Variants in NAV1 observed in about 807,000 individuals in gnomAD.
NAV1 encodes the protein neuron navigator 1.
In NAV1, 18 loss-of-function variants were observed where a neutral mutation model predicts 175.2. The ratio of observed to expected loss-of-function variants is 0.10; its 90% CI spans 0.07 to 0.15. NAV1 has a LOEUF of 0.15. NAV1 is among the 10% of genes least tolerant of loss of function. NAV1 has a pLI of 1.00. For missense variants in NAV1, 1,731 were observed against 2,436.6 expected (o/e 0.71, Z 6.10); for synonymous variants, 897 against 978.7 (o/e 0.92, Z 1.56).
At chr1:201,794,160 TC>T (rs1426949723) in intron 14 of NAV1, 1 of 658,642 alleles carries the variant, frequency 1.5e-6, no homozygotes, top group South Asian at 1.5e-5. Flanking sequence ...GACGCTGTTT[TC>T]TTTTTTTGAG....
chr1:201,800,184 A>G (rs1677760767), intron 15 of NAV1, among the ~76,000 whole-genome samples: 1 of 152,022 alleles, frequency 6.6e-6, no homozygotes, highest in Non-Finnish European at 1.5e-5. Flanking sequence ...TATTTTTAGT[A>G]GAGATGGGGT....
At chr1:201,760,255 C>T (rs1298270823) in intron 3 of NAV1, among the ~76,000 whole-genome samples, 1 of 152,174 alleles carries the variant, frequency 6.6e-6, no homozygotes, top group Non-Finnish European at 1.5e-5. Flanking sequence ...CGCTTAAGGC[C>T]AAGGGGTTCG....
intron 2 of NAV1, among the ~76,000 whole-genome samples, chr1:201,713,532 C>A (rs12404359): frequency 0.14 from 21,507 of 152,192 alleles, 1,493 homozygotes; most frequent in Middle Eastern, 0.24. Context: ...AGCCTTCCCA[C>A]GGCACCTCTC....
Position 201,670,587 on chromosome 1 carries a change from T to TA in NAV1, c.757+21163dup, listed in dbSNP as rs1446128686. 6.7e-5 allele frequency among the ~76,000 whole-genome samples: 10 copies of TA among 148,508 alleles called. No homozygotes were observed. In the East Asian group the frequency reaches 1.9e-3, roughly 29 times the overall value. On this transcript the variant is annotated intron_variant, in intron 1 of 29. Coordinates refer to ENST00000367296, the Ensembl canonical transcript of NAV1. Reference sequence around the variant, plus strand: ...AGAGATGATGGTGATGGTTTGATGATAGAGATGATGGTGATTTTTTGTTGA... The same window carrying TA: ...AGAGATGATGGTGATGGTTTGATGATAAGAGATGATGGTGATTTTTTGTTGA...
At chr1:201,600,106 G>A (rs570852751) in intron 2 of NAV1, among the ~76,000 whole-genome samples, 200 of 152,254 alleles carry the variant, frequency 1.3e-3, no homozygotes, top group African/African-American at 4.6e-3. Context: ...CTCCTGGGAC[G>A]TAGGCCCCAG....
chr1:201,558,652 A>T (rs978691500), intron 1 of NAV1, among the ~76,000 whole-genome samples: 2 of 152,084 alleles, frequency 1.3e-5, no homozygotes, highest in South Asian at 2.1e-4. Context: ...GGGTCTCACC[A>T]CGTTGGTCAG....
At chr1:201,732,752 A>T (rs1672917625) in intron 3 of NAV1, among the ~76,000 whole-genome samples, 1 of 152,216 alleles carries the variant, frequency 6.6e-6, no homozygotes, top group African/African-American at 2.4e-5. Flanking sequence ...AGGAGGAAAA[A>T]TAGGCATTGC....
chr1:201,657,849 T>C (rs1571867476), intron 1 of NAV1, among the ~76,000 whole-genome samples: 2 of 152,084 alleles, frequency 1.3e-5, no homozygotes, highest in East Asian at 1.9e-4. Flanking sequence ...TTGGGCATCA[T>C]TGCAAAACCC....
chr1:201,793,996 C>A, intron 14 of NAV1, 121 bp downstream of exon 18: 1 of 808,122 alleles, frequency 1.2e-6, no homozygotes, highest in Non-Finnish European at 2.1e-6. Flanking sequence ...ACCTCACTGT[C>A]ACCCTGGATT....
chr1:201,545,103 G>A (rs537179427), intron 1 of NAV1, among the ~76,000 whole-genome samples: 36 of 152,290 alleles, frequency 2.4e-4, no homozygotes, highest in African/African-American at 6.7e-4. Flanking sequence ...TCTTCCCCAG[G>A]AAAAGTGGAA....
At chr1:201,548,583 A>C (rs1470353677) in intron 1 of NAV1, among the ~76,000 whole-genome samples, 1 of 152,234 alleles carries the variant, frequency 6.6e-6, no homozygotes, top group Non-Finnish European at 1.5e-5. Flanking sequence ...AAATAAATAA[A>C]TAAGTGAATA....
intron 2 of NAV1, among the ~76,000 whole-genome samples, chr1:201,599,172 T>G (rs1667449273): frequency 6.6e-6 from 1 of 152,202 alleles, no homozygotes. Context: ...AGGAGAACCC[T>G]CTGGGACAAT....
intron 11 of NAV1, 134 bp from the exon 16 acceptor site, chr1:201,790,420 A>T: frequency 1.1e-6 from 1 of 951,738 alleles, no homozygotes; most frequent in Admixed American, 2.0e-5. Flanking sequence ...AGGAAACAAG[A>T]GTTTCAGCCT....
At chr1:201,696,130 G>A (rs1671179830) in intron 1 of NAV1, among the ~76,000 whole-genome samples, 2 of 152,146 alleles carry the variant, frequency 1.3e-5, no homozygotes, top group African/African-American at 4.8e-5. Flanking sequence ...CAGACTCAGG[G>A]AGTGGGAGTG....
chr1:201,638,332 A>G (rs137911455), intron 2 of NAV1, among the ~76,000 whole-genome samples: 49 of 152,302 alleles, frequency 3.2e-4, no homozygotes, highest in African/African-American at 1.1e-3. Context: ...ACAGACCACC[A>G]GCTCTGTCTG....
At chr1:201,683,736 C>T (rs771151312) in intron 1 of NAV1, among the ~76,000 whole-genome samples, 16 of 152,164 alleles carry the variant, frequency 1.1e-4, no homozygotes, top group Non-Finnish European at 2.1e-4. Flanking sequence ...TTAATTATCT[C>T]GCTAAGGTGG....
intron 1 of NAV1, among the ~76,000 whole-genome samples, chr1:201,681,477 C>G (rs1670457487): frequency 6.6e-6 from 1 of 152,160 alleles, no homozygotes; most frequent in African/African-American, 2.4e-5. Context: ...CCATGGGATC[C>G]TGCTTTGGCA....
At position 201,659,759 on chromosome 1, in the gene NAV1, C is replaced by T. The variant is rs1472079394; in HGVS notation, c.757+10334C>T. On this transcript the variant is annotated intron_variant, in intron 1 of 29. Transcript: ENST00000367296. ...GGGGACTAGCTGGCTTGGAGCCCTC[C>T]GAGCAGATGGTCCTTCAGGGAGTGA... Among the ~76,000 whole-genome samples the T allele has an allele frequency of 3.3e-5, 5 of 152,344 alleles. No individual in the cohort carries two copies. In the East Asian group the frequency reaches 7.7e-4, roughly 23 times the overall value.
chr1:201,612,598 G>A (rs772400215), intron 2 of NAV1, among the ~76,000 whole-genome samples: 2 of 152,224 alleles, frequency 1.3e-5, no homozygotes, highest in Admixed American at 1.3e-4. Flanking sequence ...GTGTCCTCAC[G>A]TGGTGGAAGA....
Sources: gnomAD v4.1 joint callset for allele counts (sites outside exome capture counted in the v4.1 genomes callset) on GRCh38, gnomAD v4.1.1 for gene constraint, MANE v1.5 for transcripts, NCBI Gene and HGNC (gene_info 2026-07-23, HGNC 2026-07-21) for gene names.